KATNAL1: variants seen among roughly 807,000 people sequenced by gnomAD.
The protein encoded by KATNAL1 is katanin catalytic subunit A1 like 1, also known as katanin p60 ATPase-containing subunit A-like 1.
Under a neutral mutation model 55.2 loss-of-function variants are expected in KATNAL1, and 32 were observed. The ratio of observed to expected loss-of-function variants is 0.58; its 90% CI spans 0.44 to 0.78. The LOEUF (loss-of-function observed/expected upper bound fraction) is 0.78, where lower values mean the gene tolerates loss of function less well. Among genes scored for constraint, KATNAL1 ranks in the 30% least tolerant of loss-of-function variants. KATNAL1 has a pLI of 0.00. For synonymous variants in KATNAL1, 193 were observed against 193.6 expected (o/e 1.00, Z 0.02); for missense variants, 466 against 600.9 (o/e 0.78, Z 2.35).
intron 3 of KATNAL1, among the ~76,000 whole-genome samples, chr13:30,273,507 T>C (rs1284402462): frequency 6.6e-6 from 1 of 152,222 alleles, no homozygotes; most frequent in Non-Finnish European, 1.5e-5. Context: ...AGGATGGCTA[T>C]GAAGATTTAA....
At chr13:30,261,379 C>A (rs1281054328) in intron 3 of KATNAL1, among the ~76,000 whole-genome samples, 12 of 152,096 alleles carry the variant, frequency 7.9e-5, no homozygotes, top group East Asian at 3.9e-4. Context: ...TATTAACTTT[C>A]AATGTAAATG....
Position 30,246,090 on chromosome 13 carries a change from C to A in KATNAL1, c.493-5004G>T, listed in dbSNP as rs146544983. On this transcript the variant is annotated intron_variant, in intron 4 of 10. Transcript: ENST00000380615. ...CCAAAAAGAGCCCATATAGCCAAGA[C>A]AATCCTAAGCAAAAAGAACAAAGCT... is the stretch of plus-strand genomic sequence containing the variant. Among the ~76,000 whole-genome samples, 1,308 of 152,308 alleles carry A rather than the reference C, an allele frequency of 8.6e-3. 67 individuals are homozygous for A. Among genetic ancestry groups the A allele is most frequent in the Admixed American group, 0.078 (1,189 of 15,288 alleles).
Position 30,292,367 on chromosome 13 carries a change from A to T in KATNAL1, c.-14-8576T>A, listed in dbSNP as rs150652532. Among the ~76,000 whole-genome samples, 16 of 146,842 alleles carry T rather than the reference A, an allele frequency of 1.1e-4. No homozygotes were observed. The East Asian group carries it at 2.4e-3, about 22-fold the overall frequency. ...TCCAGAAGACAACCTAACCCAAGGT[A>T]TTTTTTTTTTTTCCATCAGTTCCCC... On this transcript the variant is annotated intron_variant, in intron 1 of 10. Transcript: ENST00000380615.
Position 30,240,960 on chromosome 13 carries a change from A to G in KATNAL1, c.619T>C (p.Trp207Arg). The change falls in exon 5 of 11, where the codon TGG becomes CGG. Residue 207 changes from tryptophan (W) to arginine (R), a missense_variant and splice_region_variant. Transcript: ENST00000380615. ...TTCAATAATTTGAAAGACTCTAACCAATGAATGCTAGGATTCCTGGATACA... is the reference window on the plus strand; with the variant it reads ...TTCAATAATTTGAAAGACTCTAACCGATGAATGCTAGGATTCCTGGATACA... ...DIVSRNPSIH[W>R]DDIADLEEAK... is the part of the protein sequence containing the mutation. The G allele has an allele frequency of 2.5e-6, 4 of 1,612,112 alleles. No homozygotes were observed. The highest frequency in any genetic ancestry group is 3.4e-6 in the Non-Finnish European group (4 of 1,179,190).
At chr13:30,280,024 A>C in intron 3 of KATNAL1, 39 bp downstream of exon 3, 1 of 1,552,042 alleles carries the variant, frequency 6.4e-7, no homozygotes, top group South Asian at 1.3e-5. Context: ...AACATCAATT[A>C]ACTAGAAGCA....
intron 6 of KATNAL1, among the ~76,000 whole-genome samples, chr13:30,239,194 G>C (rs180975396): frequency 1.5e-3 from 226 of 152,290 alleles, no homozygotes; most frequent in African/African-American, 5.1e-3. Flanking sequence ...AGGTTCACTT[G>C]AGGCCAGGAG....
At chr13:30,215,076 A>C (rs1375534743) in intron 9 of KATNAL1, among the ~76,000 whole-genome samples, 3 of 151,404 alleles carry the variant, frequency 2.0e-5, no homozygotes, top group Non-Finnish European at 3.0e-5. Context: ...CAAATTTACA[A>C]GAAAAAAACA....
chr13:30,235,007 T>G (rs1049074613), intron 6 of KATNAL1, among the ~76,000 whole-genome samples: 3 of 152,140 alleles, frequency 2.0e-5, no homozygotes, highest in African/African-American at 7.2e-5. Flanking sequence ...ACCATGTGAT[T>G]AGAGAGCTGG....
chr13:30,303,172 G>C (rs753245329), intron 1 of KATNAL1, among the ~76,000 whole-genome samples: 1 of 152,150 alleles, frequency 6.6e-6, no homozygotes, highest in East Asian at 1.9e-4. Context: ...TTTGCCATCC[G>C]TTCAGTTAGG....
At chr13:30,279,997 A>C (rs1881153281) in intron 3 of KATNAL1, 66 bp downstream of exon 3, 1 of 1,403,818 alleles carries the variant, frequency 7.1e-7, no homozygotes, top group Admixed American at 2.5e-5. Context: ...ACTTTGTTCA[A>C]AACATGCTTC....
chr13:30,210,650 GAAAA>G (rs33951005), intron 9 of KATNAL1: 3,100 of 120,348 alleles, frequency 0.026, 61 homozygotes, highest in African/African-American at 0.055. Context: ...ACTAAAAATT[GAAAA>G]AAAAAAAAAA....
chr13:30,282,401 G>A (rs1415999187), intron 2 of KATNAL1, among the ~76,000 whole-genome samples: 2 of 152,142 alleles, frequency 1.3e-5, no homozygotes, highest in African/African-American at 4.8e-5. Flanking sequence ...GCTTTGAGAG[G>A]CCAAGGCAGG....
At chr13:30,239,229 G>GC (rs1877000885) in intron 6 of KATNAL1, among the ~76,000 whole-genome samples, 1 of 152,078 alleles carries the variant, frequency 6.6e-6, no homozygotes. Flanking sequence ...GGCCAACATG[G>GC]CAAAACCCAG....
intron 9 of KATNAL1, among the ~76,000 whole-genome samples, chr13:30,219,984 T>C (rs561658667): frequency 7.9e-5 from 12 of 152,342 alleles, no homozygotes; most frequent in African/African-American, 2.9e-4. Flanking sequence ...TATGTTTTTC[T>C]CCCTTTATTA....
chr13:30,277,545 G>C (rs1436220076), intron 3 of KATNAL1, among the ~76,000 whole-genome samples: 1 of 152,110 alleles, frequency 6.6e-6, no homozygotes. Flanking sequence ...TTTGTTTTAT[G>C]TGACCTGGAG....
chr13:30,205,505 T>A lies in KATNAL1; in HGVS notation c.*3035A>T, dbSNP rs1286129939. On this transcript the variant is annotated 3_prime_UTR_variant, in exon 11 of 11. Transcript: ENST00000380615. The stretch of plus-strand genomic sequence containing the variant: ...AAGGAGCCAAATATTTTTCCTTTGA[T>A]AATGCATCTGCTACCGCAACACTGA... The A allele has an allele frequency of 2.6e-5, 4 of 152,272 alleles. No individual in the cohort carries two copies. 9.4% of individuals were successfully genotyped at this position (152,272 alleles called of 1,614,324 possible). A position where few individuals can be genotyped will look rare whatever the true frequency, so the allele number is the denominator to read the frequency against.
At chr13:30,291,123 G>C (rs1480605005) in intron 1 of KATNAL1, among the ~76,000 whole-genome samples, 1 of 152,126 alleles carries the variant, frequency 6.6e-6, no homozygotes, top group African/African-American at 2.4e-5. Flanking sequence ...AAAATAAAAG[G>C]CATGCAGATT....
At chr13:30,270,284 G>A (rs1250284777) in intron 3 of KATNAL1, among the ~76,000 whole-genome samples, 8 of 143,886 alleles carry the variant, frequency 5.6e-5, no homozygotes, top group African/African-American at 1.0e-4. Flanking sequence ...CAGCCACCCC[G>A]TCCAGGAGGG....
chr13:30,252,919 G>A (rs1366800365), intron 4 of KATNAL1, among the ~76,000 whole-genome samples: 1 of 152,010 alleles, frequency 6.6e-6, no homozygotes, highest in Non-Finnish European at 1.5e-5. Context: ...GCTAATTTTT[G>A]TGTTTTTAGT....
Sources: allele counts gnomAD v4.1 joint callset (sites outside exome capture counted in the v4.1 genomes callset), GRCh38; gene constraint gnomAD v4.1.1; transcripts MANE v1.5; gene names NCBI Gene and HGNC (gene_info 2026-07-23, HGNC 2026-07-21).